The following PTPRD variants were observed in gnomAD, a reference collection of about 807,000 sequenced individuals.
The protein encoded by PTPRD is protein tyrosine phosphatase receptor type D, also known as receptor-type tyrosine-protein phosphatase delta.
A neutral mutation model predicts 214.5 loss-of-function variants in PTPRD; 34 were observed. That is an observed-to-expected ratio of 0.16 (90% CI 0.12 to 0.21). The LOEUF is 0.21. Ranked by LOEUF, PTPRD falls within the 10% of genes least tolerant of loss-of-function variation. The pLI is 1.00. For synonymous variants in PTPRD, 1,128 were observed against 845.7 expected (o/e 1.33, Z -5.79); for missense variants, 2,545 against 2,398.7 (o/e 1.06, Z -1.27).
rs1821729363 is a variant in PTPRD, at chr9:8,316,316, G to C, written c.*1558C>G. On this transcript the variant is annotated 3_prime_UTR_variant, in exon 46 of 46. Coordinates refer to ENST00000381196, the MANE Select transcript of PTPRD (RefSeq NM_002839.4). The stretch of plus-strand genomic sequence containing the variant: ...TACGAACCAAAAGCTAAAAAGAAAT[G>C]CTATTAAAATAGGCATCAATTATAA... 1 of 230,942 alleles carries C rather than the reference G, an allele frequency of 4.3e-6. No individual in the cohort carries two copies. The highest frequency in any genetic ancestry group is 1.8e-4 in the South Asian group (1 of 5,510). The allele number at this position is 230,942 out of a possible 1,614,324, so 14.3% of individuals were successfully genotyped here.
chr9:8,342,064 C>T (rs1035624914), intron 39 of PTPRD, 86 bp from the exon 40 acceptor site: 1 of 1,316,586 alleles, frequency 7.6e-7, no homozygotes, highest in African/African-American at 1.5e-5. Flanking sequence ...TTCTTATTAA[C>T]TAGACCTTAC....
chr9:9,035,984 CTATT>C (rs2099620463), intron 10 of PTPRD, among the ~76,000 whole-genome samples: 1 of 151,922 alleles, frequency 6.6e-6, no homozygotes. Flanking sequence ...TCATTCTTAC[CTATT>C]TATTTGTGTA....
chr9:10,463,882 A>G (rs949010469), intron 2 of PTPRD, among the ~76,000 whole-genome samples: 1 of 152,196 alleles, frequency 6.6e-6, no homozygotes, highest in Admixed American at 6.5e-5. Context: ...AAAATTTACC[A>G]TCAAAATACC....
intron 3 of PTPRD, among the ~76,000 whole-genome samples, chr9:10,040,290 T>C (rs1328570342): frequency 6.6e-6 from 1 of 152,084 alleles, no homozygotes; most frequent in Non-Finnish European, 1.5e-5. Flanking sequence ...ACAGTTTTTA[T>C]GCATGCTGGA....
At chr9:9,981,590 G>A (rs2095546333) in intron 4 of PTPRD, among the ~76,000 whole-genome samples, 1 of 151,828 alleles carries the variant, frequency 6.6e-6, no homozygotes, top group Non-Finnish European at 1.5e-5. Flanking sequence ...TCGATCTCCT[G>A]ACCTTGTGAT....
At chr9:9,562,778 T>G (rs934204279) in intron 8 of PTPRD, among the ~76,000 whole-genome samples, 1 of 151,968 alleles carries the variant, frequency 6.6e-6, no homozygotes, top group African/African-American at 2.4e-5. Flanking sequence ...ACCCCACATC[T>G]CCTTATCCCC....
intron 12 of PTPRD, among the ~76,000 whole-genome samples, chr9:8,731,502 A>G (rs1478918641): frequency 1.3e-5 from 2 of 152,240 alleles, no homozygotes; most frequent in East Asian, 1.9e-4. Context: ...TATATATGAT[A>G]GTGAATAAAT....
At chr9:8,817,198 C>T (rs1405175486) in intron 11 of PTPRD, among the ~76,000 whole-genome samples, 1 of 152,198 alleles carries the variant, frequency 6.6e-6, no homozygotes, top group Non-Finnish European at 1.5e-5. Context: ...GTTAAATTCA[C>T]TTCTTAAAAG....
intron 12 of PTPRD, 124 bp from the exon 13 acceptor site, chr9:8,636,968 A>ATCAATCAAAGTGGGTAAAATTTTAGCG: frequency 1.1e-6 from 1 of 900,630 alleles, no homozygotes; most frequent in African/African-American, 1.7e-5. Context: ...TTTACAATGC[A>ATCAATCAAAGTGGGTAAAATTTTAGCG]CTATGGGATT....
At chr9:10,605,132 T>C (rs1327798299) in intron 2 of PTPRD, among the ~76,000 whole-genome samples, 2 of 151,874 alleles carry the variant, frequency 1.3e-5, no homozygotes, top group African/African-American at 4.8e-5. Flanking sequence ...TCCTCTTTGG[T>C]TATTTGATCC....
rs2135958521 is a variant in PTPRD at position 8,486,173 on chromosome 9, C to G, written c.2644G>C (p.Ala882Pro). Residue 882 changes from alanine to proline, a missense_variant, in exon 28 of 46, where the codon GCT (alanine) becomes CCT (proline). By Grantham distance (27) the Ala-to-Pro change is conservative (BLOSUM62 -1). Coordinates refer to ENST00000381196, the MANE Select transcript of PTPRD (RefSeq NM_002839.4). ...EFSEKEDHFTATDIHKGASYV... is the reference protein window; with the variant it reads ...EFSEKEDHFTPTDIHKGASYV... ...GATGCTCCCTTGTGGATGTCTGTAG[C>G]TGTAAAGTGATCTTCTTTTTCAGAG... 1 of 1,614,134 alleles carries G rather than the reference C, an allele frequency of 6.2e-7. No homozygotes were observed. Among genetic ancestry groups the G allele is most frequent in the Non-Finnish European group, 8.5e-7 (1 of 1,180,026 alleles).
chr9:8,381,987 C>T (rs950367654), intron 37 of PTPRD, among the ~76,000 whole-genome samples: 2 of 152,160 alleles, frequency 1.3e-5, no homozygotes, highest in African/African-American at 4.8e-5. Flanking sequence ...AGAGTATCCA[C>T]CTCAGACCTA....
intron 44 of PTPRD, among the ~76,000 whole-genome samples, chr9:8,329,044 T>G (rs1836946485): frequency 6.6e-6 from 1 of 152,190 alleles, no homozygotes; most frequent in Non-Finnish European, 1.5e-5. Context: ...TTTATCAAAC[T>G]CATTCTCTGT....
chr9:9,850,710 A>G (rs115693455), intron 5 of PTPRD, among the ~76,000 whole-genome samples: 2,452 of 152,130 alleles, frequency 0.016, 58 homozygotes, highest in African/African-American at 0.057. Context: ...TCTCTAAGCA[A>G]TTTTCAAGTA....
chr9:9,367,324 G>C (rs906349129), intron 9 of PTPRD, among the ~76,000 whole-genome samples: 1 of 151,390 alleles, frequency 6.6e-6, no homozygotes, highest in Non-Finnish European at 1.5e-5. Flanking sequence ...TCAGATTTTA[G>C]TATTTTACAG....
At chr9:9,386,909 A>T (rs1280524656) in intron 9 of PTPRD, among the ~76,000 whole-genome samples, 2 of 152,174 alleles carry the variant, frequency 1.3e-5, no homozygotes, top group Non-Finnish European at 2.9e-5. Context: ...ATTTTCCCTT[A>T]TCTAAAGGGA....
At chr9:8,426,197 T>A (rs374835995) in intron 35 of PTPRD, among the ~76,000 whole-genome samples, 2 of 152,188 alleles carry the variant, frequency 1.3e-5, no homozygotes, top group South Asian at 2.1e-4. Context: ...CATATATTCA[T>A]CTTCATAACA....
In PTPRD at chr9:9,786,051, C is replaced by T. The variant is rs559545271; in HGVS notation, c.-367-19200G>A. Reference sequence around the variant, plus strand: ...ATACAATGATGAGAATATATTACTTCTCCATATTTCATTATCAATAATACA... The same window carrying T: ...ATACAATGATGAGAATATATTACTTTTCCATATTTCATTATCAATAATACA... On this transcript the variant is annotated intron_variant, in intron 5 of 45. Transcript: ENST00000381196. Among the ~76,000 whole-genome samples, 10 of 152,280 alleles carry T rather than the reference C, an allele frequency of 6.6e-5. No homozygotes were observed. The East Asian group carries it at 1.5e-3, about 23-fold the overall frequency.
intron 9 of PTPRD, among the ~76,000 whole-genome samples, chr9:9,277,245 T>C (rs1236161722): frequency 6.6e-6 from 1 of 151,470 alleles, no homozygotes; most frequent in Non-Finnish European, 1.5e-5. Context: ...TGTTTTTGAA[T>C]ATTCTTTCTC....
Sources: allele counts gnomAD v4.1 joint callset (sites outside exome capture counted in the v4.1 genomes callset), GRCh38; gene constraint gnomAD v4.1.1; transcripts MANE v1.5; gene names NCBI Gene and HGNC (gene_info 2026-07-23, HGNC 2026-07-21).